The following RNF123 variants were observed in gnomAD, a reference collection of about 807,000 sequenced individuals.
The protein encoded by RNF123 is E3 ubiquitin-protein ligase RNF123.
A neutral mutation model predicts 168.5 loss-of-function variants in RNF123; 86 were observed. The ratio of observed to expected loss-of-function variants is 0.51; its 90% CI spans 0.43 to 0.61. The LOEUF is 0.61. Ranked by LOEUF, RNF123 falls within the 20% of genes least tolerant of loss-of-function variation. The pLI is 0.00. For missense variants in RNF123, 1,419 were observed against 1,729.7 expected, an observed-to-expected ratio of 0.82 and a Z score of 3.19; for synonymous variants, 666 against 689.1, an observed-to-expected ratio of 0.97 and a Z score of 0.52.
At chr3:49,719,301 C>T (rs1282870865) in intron 35 of RNF123, 1 of 1,612,930 alleles carries the variant, frequency 6.2e-7, no homozygotes, top group African/African-American at 1.3e-5. Flanking sequence ...ACTCGGCTGG[C>T]ACGTCCTGCA....
At chr3:49,706,968 G>C (rs2054531832) in intron 26 of RNF123, 70 bp downstream of exon 26, 1 of 1,341,468 alleles carries the variant, frequency 7.5e-7, no homozygotes, top group Non-Finnish European at 1.1e-6. Context: ...GATTGTGCCA[G>C]GGCCCTTGAT....
At chr3:49,705,727 T>TTGGTTGTGTGTGTATTCCTG in intron 24 of RNF123, 48 bp downstream of exon 24, 1 of 1,611,552 alleles carries the variant, frequency 6.2e-7, no homozygotes, top group South Asian at 1.1e-5. Flanking sequence ...TTGTGCGTGT[T>TTGGTTGTGTGTGTATTCCTG]TGGTTGTGTG....
chr3:49,718,007 T>G, intron 35 of RNF123: 1 of 1,613,652 alleles, frequency 6.2e-7, no homozygotes, highest in Non-Finnish European at 8.5e-7. Flanking sequence ...GAGCCAGCCT[T>G]CAGCTGCAGG....
rs765250301 is a variant in RNF123, at chr3:49,718,425, C to T, written c.3500+1948C>T. The T allele has an allele frequency of 1.3e-5, 21 of 1,612,934 alleles. No individual in the cohort carries two copies. Among genetic ancestry groups the T allele is most frequent in the Middle Eastern group, 1.6e-4 (1 of 6,062 alleles). ...CAGTGGCCAGGCACACGAAGAGTCCCGCATGCTGCTCCTGTACGTTGCCTA... is the reference window on the plus strand; with the variant it reads ...CAGTGGCCAGGCACACGAAGAGTCCTGCATGCTGCTCCTGTACGTTGCCTA... On this transcript the variant is annotated intron_variant, in intron 35 of 38. Transcript: ENST00000327697.
At chr3:49,706,179 G>A (rs918908542) in intron 25 of RNF123, 114 bp downstream of exon 25, 9 of 898,498 alleles carry the variant, frequency 1.0e-5, no homozygotes, top group African/African-American at 9.8e-5. Flanking sequence ...TCTAGCCCTG[G>A]CCATAGCACG....
chr3:49,694,703 A>C (rs1367269544), intron 3 of RNF123, among the ~76,000 whole-genome samples: 1 of 152,238 alleles, frequency 6.6e-6, no homozygotes, highest in Non-Finnish European at 1.5e-5. Flanking sequence ...TCCAAAAGGC[A>C]GCAACGTTAC....
intron 35 of RNF123, chr3:49,718,171 T>G (rs1376965028): frequency 6.2e-7 from 1 of 1,613,178 alleles, no homozygotes; most frequent in Non-Finnish European, 8.5e-7. Context: ...TACTGAGGAC[T>G]GTGCGCTCAG....
At chr3:49,720,366 C>A in intron 35 of RNF123, 145 bp from the exon 36 acceptor site, 1 of 729,420 alleles carries the variant, frequency 1.4e-6, no homozygotes, top group Non-Finnish European at 2.0e-6. Context: ...GAATACAGGA[C>A]TTGGGGTTTG....
At chr3:49,716,081 G>A (rs769350334) in intron 33 of RNF123, 21 bp from the exon 34 acceptor site, 2 of 1,613,712 alleles carry the variant, frequency 1.2e-6, no homozygotes, top group Non-Finnish European at 1.7e-6. Context: ...ATCCACCAAT[G>A]GACTCCTGCT....
intron 8 of RNF123, 45 bp downstream of exon 8, chr3:49,698,571 T>C (rs1345437567): frequency 1.2e-6 from 2 of 1,601,412 alleles, no homozygotes; most frequent in Non-Finnish European, 1.7e-6. Flanking sequence ...TGACTGTTAC[T>C]ACAGCTTATT....
chr3:49,699,942 AG>A lies in RNF123; in HGVS notation c.984+173del. 4.2e-6 allele frequency: 3 copies of A among 720,490 alleles called. No homozygotes were observed. The highest frequency in any genetic ancestry group is 6.9e-6 in the Non-Finnish European group (3 of 435,118). The allele number at this position is 720,490 out of a possible 1,614,324, so 44.6% of individuals were successfully genotyped here. A position where few individuals can be genotyped will look rare whatever the true frequency, so the allele number is the denominator to read the frequency against. The stretch of plus-strand genomic sequence containing the variant: ...ACCTCAGTCAGTCCCCTAGGGAAAC[AG>A]GGACATTGCCAACCAAGGGCATCAG... On this transcript the variant is annotated intron_variant, in intron 12 of 38. Transcript: ENST00000327697. The surrounding 1 kb of genome is among the most constrained non-coding windows in gnomAD (Gnocchi z 4.8).
In RNF123 at chr3:49,714,241, T is replaced by A. The variant is rs929158018; in HGVS notation, c.3010+67T>A. The A allele has an allele frequency of 5.9e-6, 8 of 1,367,222 alleles. No homozygotes were observed. The African/African-American group carries it at 1.1e-4, about 19-fold the overall frequency. 84.7% of individuals were successfully genotyped at this position (1,367,222 alleles called of 1,614,324 possible). On this transcript the variant is annotated intron_variant, in intron 31 of 38. Coordinates refer to ENST00000327697, the MANE Select transcript of RNF123 (RefSeq NM_022064.5). ...GGGCGCTTACCTCCTACCCATGGGT[T>A]CTTTCAGACTCTCCACTTCTTCCAG...
Position 49,691,405 on chromosome 3 carries a change from C to T in RNF123, c.83-20C>T, listed in dbSNP as rs1315245867. 2 of 1,613,666 alleles carry T rather than the reference C, an allele frequency of 1.2e-6. No individual in the cohort carries two copies. The highest frequency in any genetic ancestry group is 8.5e-7 in the Non-Finnish European group (1 of 1,179,664). Reference sequence around the variant, plus strand: ...GCACTGATCATGTGGCCCTTTTCTCCCTTCTGACTTGTGGCTCAGGCATTG... The same window carrying T: ...GCACTGATCATGTGGCCCTTTTCTCTCTTCTGACTTGTGGCTCAGGCATTG... On this transcript the variant is annotated intron_variant, in intron 2 of 38. Transcript: ENST00000327697.
At chr3:49,696,505 C>T (rs528599140) in intron 3 of RNF123, among the ~76,000 whole-genome samples, 45 of 152,170 alleles carry the variant, frequency 3.0e-4, no homozygotes, top group African/African-American at 9.4e-4. Context: ...CATGCCACCG[C>T]GCCCAGCATT....
Position 49,700,661 on chromosome 3 carries a change from C to T in RNF123, c.1229C>T (p.Ala410Val), listed in dbSNP as rs945457360. ...LQIHYLRLTI[A>V]ILRHEKSRKF... ...ATCCATTACCTGCGGCTCACTATCG[C>T]CATCCTGAGGCATGAGAAGTCCCGC... The change falls in exon 15 of 39, where the codon GCC becomes GTC. Residue 410 changes from alanine (A) to valine (V), a missense_variant. This residue lies in a region of RNF123 where 349 missense variants were observed against 344.9 expected (regional missense o/e 1.01). Coordinates refer to ENST00000327697, the MANE Select transcript of RNF123 (RefSeq NM_022064.5). The T allele has an allele frequency of 3.7e-6, 6 of 1,614,200 alleles. No individual in the cohort carries two copies. The highest frequency in any genetic ancestry group is 5.1e-6 in the Non-Finnish European group (6 of 1,180,034).
At chr3:49,690,254 T>C (rs2054115033) in intron 1 of RNF123, among the ~76,000 whole-genome samples, 1 of 152,262 alleles carries the variant, frequency 6.6e-6, no homozygotes, top group Admixed American at 6.5e-5. Context: ...GGGAACGTTC[T>C]ACCTTTGTGC....
chr3:49,694,868 CTGT>C, intron 3 of RNF123, among the ~76,000 whole-genome samples: 1 of 152,098 alleles, frequency 6.6e-6, no homozygotes, highest in East Asian at 1.9e-4. Context: ...GCTGCTGCTG[CTGT>C]GGCCGCCAGG....
intron 34 of RNF123, 48 bp from the exon 35 acceptor site, chr3:49,716,345 A>C (rs1490275583): frequency 2.5e-6 from 4 of 1,593,490 alleles, no homozygotes; most frequent in Non-Finnish European, 3.4e-6. Context: ...GGAGCCCTTG[A>C]AGCAGGAGCA....
Position 49,689,577 on chromosome 3 carries a change from T to G in RNF123, c.-66T>G, listed in dbSNP as rs538929696. The G allele has an allele frequency of 3.1e-4, 48 of 152,586 alleles. No homozygotes were observed. Among genetic ancestry groups the G allele is most frequent in the African/African-American group, 1.1e-3 (47 of 41,596 alleles). 9.5% of individuals were successfully genotyped at this position (152,586 alleles called of 1,614,324 possible). On this transcript the variant is annotated 5_prime_UTR_variant, in exon 1 of 39. The change abolishes the stop of an existing upstream ORF in the 5' untranslated region. Coordinates refer to ENST00000327697, the MANE Select transcript of RNF123 (RefSeq NM_022064.5). ...TAGCCAAGAGGTTGGGCGGATGTTG[T>G]GAGCCGGGTCGCTGCGGCCGAGGCT...
Sources: gnomAD v4.1 joint callset for allele counts (sites outside exome capture counted in the v4.1 genomes callset) on GRCh38, gnomAD v4.1.1 for gene constraint, gnomAD v4.1.1 regional missense constraint, Gnocchi (gnomAD v3.1) non-coding constraint, MANE v1.5 for transcripts, NCBI Gene and HGNC (gene_info 2026-07-23, HGNC 2026-07-21) for gene names.